Variants in CPED1 observed in about 807,000 individuals in gnomAD.
CPED1 encodes cadherin-like and PC-esterase domain-containing protein 1.
In CPED1, 114 loss-of-function variants were observed where a neutral mutation model predicts 128.2. That is an observed-to-expected ratio of 0.89 (90% confidence interval 0.76 to 1.04). The LOEUF (loss-of-function observed/expected upper bound fraction) is 1.04, where lower values mean the gene tolerates loss of function less well. Among genes scored for constraint, CPED1 ranks in the 50% least tolerant of loss-of-function variants. The probability of loss-of-function intolerance (pLI) is 0.00; values close to 1 mark genes in which losing one functional copy is unlikely to be tolerated. For missense variants in CPED1, 1,211 were observed against 1,207.1 expected (o/e 1.00, Z -0.05); for synonymous variants, 462 against 426.7 (o/e 1.08, Z -1.02).
At chr7:121,051,593 C>G (rs1793356286) in intron 4 of CPED1, 1 of 348,050 alleles carries the variant, frequency 2.9e-6, no homozygotes, top group African/African-American at 2.2e-5. Flanking sequence ...TAAATTACTT[C>G]TATGCCCTTG....
intron 3 of CPED1, among the ~76,000 whole-genome samples, chr7:121,020,677 G>A (rs1365464445): frequency 1.3e-5 from 2 of 151,632 alleles, no homozygotes; most frequent in Admixed American, 1.3e-4. Flanking sequence ...ATAAAATTAA[G>A]CACCAAACTG....
At chr7:121,101,093 T>G (rs1366519684) in intron 7 of CPED1, among the ~76,000 whole-genome samples, 1 of 152,152 alleles carries the variant, frequency 6.6e-6, no homozygotes, top group African/African-American at 2.4e-5. Context: ...TGTTTTCCTA[T>G]GATTTCTTAG....
chr7:121,214,402 C>T (rs967779405), intron 16 of CPED1, among the ~76,000 whole-genome samples: 10 of 152,020 alleles, frequency 6.6e-5, no homozygotes, highest in African/African-American at 2.4e-4. Context: ...AAGGGATTCT[C>T]GTGCCTTAGC....
chr7:121,084,809 G>T (rs890493767), intron 5 of CPED1, among the ~76,000 whole-genome samples: 1 of 152,188 alleles, frequency 6.6e-6, no homozygotes, highest in African/African-American at 2.4e-5. Flanking sequence ...GTTGCACAGG[G>T]TGATACTCAG....
intron 16 of CPED1, among the ~76,000 whole-genome samples, chr7:121,203,480 G>A (rs973105709): frequency 7.2e-5 from 11 of 151,946 alleles, no homozygotes; most frequent in Admixed American, 3.9e-4. Flanking sequence ...AGATAGACCC[G>A]TCAGCATGGC....
In CPED1 at chr7:121,295,866, C is replaced by G. The variant is rs1158925931; in HGVS notation, c.*214C>G. Reference sequence around the variant, plus strand: ...TCAAGATGTGACCTTGAACACCAGTCCATTTCACAGTGAAAGATATACCTA... The same window carrying G: ...TCAAGATGTGACCTTGAACACCAGTGCATTTCACAGTGAAAGATATACCTA... On this transcript the variant is annotated 3_prime_UTR_variant, in exon 23 of 23. Coordinates refer to ENST00000310396, the MANE Select transcript of CPED1 (RefSeq NM_024913.5). 1 of 460,256 alleles carries G rather than the reference C, an allele frequency of 2.2e-6. No homozygotes were observed. Among genetic ancestry groups the G allele is most frequent in the Non-Finnish European group, 3.9e-6 (1 of 257,704 alleles). 28.5% of individuals were successfully genotyped at this position (460,256 alleles called of 1,614,324 possible).
intron 7 of CPED1, among the ~76,000 whole-genome samples, chr7:121,117,812 G>A (rs1490733926): frequency 1.3e-5 from 2 of 152,034 alleles, no homozygotes; most frequent in Non-Finnish European, 2.9e-5. Flanking sequence ...CTCTAAAGCA[G>A]GTTGTTCTTT....
At chr7:121,044,650 C>CTTTTTTTTTTTTT (rs58884492) in intron 3 of CPED1, among the ~76,000 whole-genome samples, 13 of 106,040 alleles carry the variant, frequency 1.2e-4, no homozygotes, top group African/African-American at 3.4e-4. Flanking sequence ...ACTTTCTGCT[C>CTTTTTTTTTTTTT]TTTTTTTTTT....
rs190789805 is a variant in CPED1, at chr7:121,127,487, T to G, written c.1302+230T>G. Among the ~76,000 whole-genome samples the G allele has an allele frequency of 6.7e-3, 1,023 of 152,056 alleles. 6 individuals carry two copies. Among genetic ancestry groups the G allele is most frequent in the Non-Finnish European group, 0.01 (687 of 67,968 alleles). On this transcript the variant is annotated intron_variant, in intron 10 of 22. Coordinates refer to ENST00000310396, the MANE Select transcript of CPED1 (RefSeq NM_024913.5). ...ATTATGGGTTGAAAATTAAGTATAGTGTTCATAATTTCTTATTTTTTCTTT... is the reference window on the plus strand; with the variant it reads ...ATTATGGGTTGAAAATTAAGTATAGGGTTCATAATTTCTTATTTTTTCTTT...
At chr7:121,058,588 CT>C (rs1338169322) in intron 4 of CPED1, among the ~76,000 whole-genome samples, 1 of 152,176 alleles carries the variant, frequency 6.6e-6, no homozygotes, top group Non-Finnish European at 1.5e-5. Flanking sequence ...TGTCTAAGAC[CT>C]CCTAGCTAAT....
intron 5 of CPED1, among the ~76,000 whole-genome samples, chr7:121,067,952 G>A (rs1231761412): frequency 2.6e-5 from 4 of 152,076 alleles, no homozygotes; most frequent in East Asian, 1.9e-4. Flanking sequence ...CCCACTTTTC[G>A]ATGGGGTTGT....
chr7:121,054,973 C>T (rs758367235), intron 4 of CPED1, among the ~76,000 whole-genome samples: 8 of 152,110 alleles, frequency 5.3e-5, no homozygotes, highest in Non-Finnish European at 1.0e-4. Flanking sequence ...GCATTTGGGT[C>T]TGGCTTATTT....
intron 5 of CPED1, among the ~76,000 whole-genome samples, chr7:121,064,752 C>A (rs1793782514): frequency 6.6e-6 from 1 of 152,100 alleles, no homozygotes; most frequent in Non-Finnish European, 1.5e-5. Context: ...AAATACAGGA[C>A]ACTGAATGAA....
chr7:121,291,623 A>G (rs1792704557), intron 22 of CPED1, among the ~76,000 whole-genome samples: 1 of 152,144 alleles, frequency 6.6e-6, no homozygotes, highest in Admixed American at 6.5e-5. Context: ...GTGTATAGGA[A>G]TGCTTGTGAT....
chr7:121,169,846 A>AT (rs1421192031), intron 16 of CPED1, among the ~76,000 whole-genome samples: 11 of 152,108 alleles, frequency 7.2e-5, no homozygotes, highest in Non-Finnish European at 1.6e-4. Flanking sequence ...ACATTCAAAT[A>AT]TTTTTTACGT....
At chr7:121,046,304 C>CT (rs1316242417) in intron 3 of CPED1, among the ~76,000 whole-genome samples, 1 of 152,058 alleles carries the variant, frequency 6.6e-6, no homozygotes, top group Non-Finnish European at 1.5e-5. Flanking sequence ...TTACAAATTT[C>CT]TTTTATGCAA....
intron 7 of CPED1, among the ~76,000 whole-genome samples, chr7:121,108,603 TC>T (rs1795036357): frequency 6.6e-6 from 1 of 151,586 alleles, no homozygotes; most frequent in Non-Finnish European, 1.5e-5. Flanking sequence ...AATGTTTTTT[TC>T]ATATAAGGAA....
intron 16 of CPED1, among the ~76,000 whole-genome samples, chr7:121,226,600 G>A (rs1798019511): frequency 6.6e-6 from 1 of 152,012 alleles, no homozygotes. Flanking sequence ...AGATTTGTAG[G>A]ATGAAGTCTT....
intron 21 of CPED1, among the ~76,000 whole-genome samples, chr7:121,269,160 C>T (rs552925346): frequency 6.6e-6 from 1 of 152,122 alleles, no homozygotes; most frequent in South Asian, 2.1e-4. Context: ...TTGTCCTCTC[C>T]CTTCCTCCCG....
Sources: gnomAD v4.1 joint callset for allele counts (sites outside exome capture counted in the v4.1 genomes callset) on GRCh38, gnomAD v4.1.1 for gene constraint, MANE v1.5 for transcripts, NCBI Gene and HGNC (gene_info 2026-07-23, HGNC 2026-07-21) for gene names.